The following ATP1B3 variants were observed in gnomAD, a reference collection of about 807,000 sequenced individuals.
The protein encoded by ATP1B3 is ATPase Na+/K+ transporting subunit beta 3.
Under a neutral mutation model 30.2 loss-of-function variants are expected in ATP1B3, and 10 were observed. The observed-to-expected ratio is 0.33, with a 90% CI of 0.20 to 0.56. The LOEUF (loss-of-function observed/expected upper bound fraction) is 0.56. Among genes scored for constraint, ATP1B3 ranks in the 20% least tolerant of loss-of-function variants. ATP1B3 has a pLI of 0.90. For missense variants in ATP1B3, 238 were observed against 336.7 expected (o/e 0.71, Z 2.29); for synonymous variants, 113 against 117.0 (o/e 0.97, Z 0.22).
intron 1 of ATP1B3, 115 bp downstream of exon 1, chr3:141,877,025 C>T (rs1389069315): frequency 2.7e-6 from 2 of 753,476 alleles, no homozygotes; most frequent in African/African-American, 1.9e-5. Flanking sequence ...CTCCCGACCG[C>T]CCGACCCTAA....
rs139944192 is a variant in ATP1B3, at chr3:141,923,974, G to A, written c.670-1557G>A. ...GATACTGCCTTGATTCCTTGGTTAA[G>A]GTGGTATGAGCGAGGTTTCTACAAT... On this transcript the variant is annotated intron_variant, in intron 6 of 6. Transcript: ENST00000286371. Among the ~76,000 whole-genome samples the A allele has an allele frequency of 2.0e-5, 3 of 152,326 alleles. No homozygotes were observed. In the East Asian group the frequency reaches 5.8e-4, roughly 29 times the overall value.
intron 5 of ATP1B3, among the ~76,000 whole-genome samples, chr3:141,919,334 C>CTG (rs373342010): frequency 1.8e-3 from 270 of 151,118 alleles, no homozygotes; most frequent in African/African-American, 6.3e-3. Flanking sequence ...CCAGGCTGGT[C>CTG]TTAAACTCCT....
rs369322502 is a variant in ATP1B3, at chr3:141,910,282, G to A, written c.346+3008G>A. ...TTACAGTAGCACCTGGCCTTTGGAT[G>A]TGTTTTTGATAGGGAATTAACTTCA... is the stretch of plus-strand genomic sequence containing the variant. On this transcript the variant is annotated intron_variant, in intron 3 of 6. Transcript: ENST00000286371. Among the ~76,000 whole-genome samples the A allele has an allele frequency of 1.2e-4, 19 of 152,244 alleles. No homozygotes were observed. The East Asian group carries it at 2.9e-3, about 23-fold the overall frequency.
chr3:141,892,877 G>T (rs1933983698), intron 1 of ATP1B3, among the ~76,000 whole-genome samples: 1 of 152,096 alleles, frequency 6.6e-6, no homozygotes, highest in Admixed American at 6.6e-5. Flanking sequence ...AACTGGAATT[G>T]TATACCTGAA....
At chr3:141,911,477 T>C (rs2107775958) in intron 3 of ATP1B3, among the ~76,000 whole-genome samples, 1 of 151,548 alleles carries the variant, frequency 6.6e-6, no homozygotes, top group Non-Finnish European at 1.5e-5. Context: ...CATTCATTCC[T>C]CCAGTTATCT....
intron 1 of ATP1B3, among the ~76,000 whole-genome samples, chr3:141,879,806 A>T (rs1478392013): frequency 3.5e-5 from 3 of 86,042 alleles, no homozygotes; most frequent in Admixed American, 1.2e-4. Flanking sequence ...AGTTTTTGGT[A>T]ACAGCTTTTT....
intron 3 of ATP1B3, among the ~76,000 whole-genome samples, chr3:141,909,601 T>G (rs1367861919): frequency 6.6e-6 from 1 of 152,172 alleles, no homozygotes; most frequent in African/African-American, 2.4e-5. Context: ...GCCCTGAGGC[T>G]TATGGTGCTG....
intron 1 of ATP1B3, among the ~76,000 whole-genome samples, chr3:141,889,750 A>AATATATAT (rs1553743803): frequency 2.5e-5 from 2 of 79,116 alleles, no homozygotes; most frequent in African/African-American, 9.5e-5. Flanking sequence ...AAAAAAAAAA[A>AATATATAT]ATATATACAC....
chr3:141,908,516 CTCAGTCTTCATG>C (rs1934303580), intron 3 of ATP1B3, among the ~76,000 whole-genome samples: 1 of 152,206 alleles, frequency 6.6e-6, no homozygotes, highest in Admixed American at 6.5e-5. Context: ...TCCCAGACCT[CTCAGTCTTCATG>C]TCACACCCTG....
At chr3:141,915,148 T>G (rs114111858) in intron 4 of ATP1B3, among the ~76,000 whole-genome samples, 3 of 152,342 alleles carry the variant, frequency 2.0e-5, no homozygotes, top group Non-Finnish European at 4.4e-5. Context: ...GTTTGTTTTC[T>G]TTCTCAAGAT....
At chr3:141,879,786 A>AAAACAAAAAAAG (rs1933685964) in intron 1 of ATP1B3, among the ~76,000 whole-genome samples, 1 of 143,550 alleles carries the variant, frequency 7.0e-6, no homozygotes, top group African/African-American at 2.6e-5. Context: ...CTCAAAAAAA[A>AAAACAAAAAAAG]AAACCTTACA....
intron 5 of ATP1B3, 80 bp from the exon 6 acceptor site, chr3:141,921,897 G>A: frequency 7.1e-6 from 5 of 707,078 alleles, no homozygotes; most frequent in Non-Finnish European, 1.1e-5. Context: ...GTTCATGATT[G>A]ATATTCCTTT....
chr3:141,914,259 G>A (rs1027101615), intron 4 of ATP1B3, among the ~76,000 whole-genome samples: 11 of 152,046 alleles, frequency 7.2e-5, no homozygotes, highest in African/African-American at 1.7e-4. Flanking sequence ...TAACTTTTTC[G>A]AAATAGTAGC....
chr3:141,911,394 AT>A (rs1183405772), intron 3 of ATP1B3, among the ~76,000 whole-genome samples: 3 of 150,116 alleles, frequency 2.0e-5, no homozygotes, highest in South Asian at 4.2e-4. Flanking sequence ...TGTCTTCTCT[AT>A]TTTTTTTCCT....
At chr3:141,879,811 CTTTTTTTTTTTT>C (rs150389395) in intron 1 of ATP1B3, among the ~76,000 whole-genome samples, 5 of 57,944 alleles carry the variant, frequency 8.6e-5, no homozygotes, top group African/African-American at 4.2e-4. Flanking sequence ...TTGGTAACAG[CTTTTTTTTTTTT>C]TTTTTTTTTT....
chr3:141,921,913 T>C (rs1310277104), intron 5 of ATP1B3, 64 bp from the exon 6 acceptor site: 4 of 875,186 alleles, frequency 4.6e-6, no homozygotes, highest in African/African-American at 1.8e-5. Flanking sequence ...CCTTTAATTA[T>C]AAACATAGTT....
chr3:141,889,750 A>AAAATATATAT (rs1553743802), intron 1 of ATP1B3, among the ~76,000 whole-genome samples: 2 of 79,116 alleles, frequency 2.5e-5, no homozygotes, highest in African/African-American at 9.5e-5. Flanking sequence ...AAAAAAAAAA[A>AAAATATATAT]ATATATACAC....
chr3:141,890,709 A>T (rs1487809966), intron 1 of ATP1B3, among the ~76,000 whole-genome samples: 3 of 148,720 alleles, frequency 2.0e-5, no homozygotes, highest in African/African-American at 7.9e-5. Context: ...CAGTGCTGGG[A>T]TTACAGACGT....
intron 1 of ATP1B3, chr3:141,903,094 C>T (rs116036095): frequency 0.034 from 5,258 of 154,508 alleles, 310 homozygotes; most frequent in African/African-American, 0.12. Flanking sequence ...TCAGGCGATC[C>T]TCCCATCTCA....
Sources: allele counts gnomAD v4.1 joint callset (sites outside exome capture counted in the v4.1 genomes callset), GRCh38; gene constraint gnomAD v4.1.1; transcripts MANE v1.5; gene names NCBI Gene and HGNC (gene_info 2026-07-23, HGNC 2026-07-21).